The following NOVA2 variants were observed in gnomAD, a reference collection of about 807,000 sequenced individuals.
NOVA2 encodes NOVA alternative splicing regulator 2.
In NOVA2, 9 loss-of-function variants were observed where a neutral mutation model predicts 22.5. The observed-to-expected ratio is 0.40, with a 90% CI of 0.24 to 0.70. NOVA2 has a LOEUF of 0.70. Among genes scored for constraint, NOVA2 ranks in the 30% least tolerant of loss-of-function variants. NOVA2 has a pLI of 0.38. For synonymous variants in NOVA2, 318 were observed against 335.2 expected (o/e 0.95, Z 0.56); for missense variants, 383 against 682.8 (o/e 0.56, Z 4.89).
intron 3 of NOVA2, among the ~76,000 whole-genome samples, chr19:45,951,620 A>C (rs76229884): frequency 3.2e-5 from 2 of 62,046 alleles, no homozygotes; most frequent in African/African-American, 6.8e-5. Flanking sequence ...CTCCGTTTCA[A>C]AAAAAAAAAA....
At chr19:45,949,542 C>T (rs1263856717) in intron 3 of NOVA2, among the ~76,000 whole-genome samples, 1 of 152,088 alleles carries the variant, frequency 6.6e-6, no homozygotes, top group East Asian at 1.9e-4. Context: ...CTACCTCTTC[C>T]ACCTCCTAGC....
intron 3 of NOVA2, among the ~76,000 whole-genome samples, chr19:45,943,141 C>T (rs1232417131): frequency 1.3e-5 from 2 of 151,336 alleles, no homozygotes; most frequent in Non-Finnish European, 2.9e-5. Context: ...GCAATCTCCA[C>T]CTCCTGGGTT....
intron 1 of NOVA2, among the ~76,000 whole-genome samples, chr19:45,966,801 C>T (rs1346853624): frequency 6.6e-6 from 1 of 152,034 alleles, no homozygotes; most frequent in African/African-American, 2.4e-5. Context: ...TGCTTGAACC[C>T]GGGAGGCGGA....
chr19:45,966,865 G>A (rs919145785), intron 1 of NOVA2, among the ~76,000 whole-genome samples: 8 of 152,058 alleles, frequency 5.3e-5, no homozygotes, highest in Non-Finnish European at 1.2e-4. Context: ...CAACAAGAGC[G>A]AAACTCCGTC....
intron 2 of NOVA2, among the ~76,000 whole-genome samples, chr19:45,956,533 C>T (rs868539799): frequency 3.3e-5 from 5 of 151,724 alleles, no homozygotes; most frequent in South Asian, 2.1e-4. Context: ...TGCAGCGGTG[C>T]GATCTCAGAT....
At chr19:45,961,746 A>G (rs146490091) in intron 1 of NOVA2, among the ~76,000 whole-genome samples, 6 of 152,318 alleles carry the variant, frequency 3.9e-5, no homozygotes, top group Admixed American at 1.3e-4. Context: ...AGGTGAAGAA[A>G]TCACCCAAGG....
Position 45,940,568 on chromosome 19 carries a change from C to T in NOVA2, c.774G>A (p.Leu258=). 1.4e-6 allele frequency: 2 copies of T among 1,458,570 alleles called. No homozygotes were observed. Among genetic ancestry groups the T allele is most frequent in the Non-Finnish European group, 9.0e-7 (1 of 1,106,982 alleles). The allele number at this position is 1,458,570 out of a possible 1,614,324, so 90.4% of individuals were successfully genotyped here. The change falls in exon 4 of 4, where the codon CTG becomes CTA. Residue 258 remains leucine, a synonymous_variant. Transcript: ENST00000263257. ...CGGCGGGAAAGGCCCCCACGCCAGC[C>T]AGCCCGGCGGGGCCCAGCAGGCCGG... is the stretch of plus-strand genomic sequence containing the variant. ...AASGLLGPAG[L]AGVGAFPAAL...
intron 1 of NOVA2, among the ~76,000 whole-genome samples, chr19:45,965,954 G>A (rs1968162076): frequency 6.6e-6 from 1 of 152,216 alleles, no homozygotes; most frequent in Non-Finnish European, 1.5e-5. Context: ...ATCATTATCA[G>A]CATTGCCTAC....
chr19:45,958,625 G>C (rs1001064237), intron 2 of NOVA2, among the ~76,000 whole-genome samples: 20 of 151,742 alleles, frequency 1.3e-4, no homozygotes, highest in African/African-American at 3.9e-4. Context: ...CAGCGTGTGT[G>C]AGTGTGAGCG....
chr19:45,954,237 AG>A (rs1318925656), intron 2 of NOVA2, among the ~76,000 whole-genome samples: 2 of 152,210 alleles, frequency 1.3e-5, no homozygotes, highest in Non-Finnish European at 2.9e-5. Flanking sequence ...AGCCCTGGGC[AG>A]GGGAGACAGG....
At chr19:45,968,592 A>G (rs1010154643) in intron 1 of NOVA2, among the ~76,000 whole-genome samples, 4 of 152,118 alleles carry the variant, frequency 2.6e-5, no homozygotes, top group South Asian at 2.1e-4. Context: ...ATATAATAAT[A>G]ATGATGATGA....
intron 1 of NOVA2, among the ~76,000 whole-genome samples, chr19:45,970,080 T>C (rs1353811189): frequency 6.6e-6 from 1 of 152,212 alleles, no homozygotes; most frequent in Non-Finnish European, 1.5e-5. Flanking sequence ...CACATCATGG[T>C]TCTGCTGCTT....
rs569448866 is a variant in NOVA2 at position 45,937,672 on chromosome 19, A to G, written c.*2191T>C. The G allele has an allele frequency of 6.7e-6, 1 of 150,042 alleles. No individual in the cohort carries two copies. Among genetic ancestry groups the G allele is most frequent in the East Asian group, 2.0e-4 (1 of 5,116 alleles). 9.3% of individuals were successfully genotyped at this position (150,042 alleles called of 1,614,324 possible). ...TAGGGGTGGGGCAACAACAATGGGA[A>G]GTGGGGGATAGGGGAGGGGAAGTGG... On this transcript the variant is annotated 3_prime_UTR_variant, in exon 4 of 4. Coordinates refer to ENST00000263257, the MANE Select transcript of NOVA2 (RefSeq NM_002516.4).
At position 45,939,733 on chromosome 19, in the gene NOVA2, G is replaced by C; in HGVS notation, c.*130C>G. 3 of 1,198,432 alleles carry C rather than the reference G, an allele frequency of 2.5e-6. No individual in the cohort carries two copies. Among genetic ancestry groups the C allele is most frequent in the Non-Finnish European group, 3.5e-6 (3 of 859,792 alleles). The allele number at this position is 1,198,432 out of a possible 1,614,324, so 74.2% of individuals were successfully genotyped here. Reference sequence around the variant, plus strand: ...ACTACCAGAAGGGGAGGGTGCAGTCGGGCCTACCCCAGCCCCATCCCAAGA... The same window carrying C: ...ACTACCAGAAGGGGAGGGTGCAGTCCGGCCTACCCCAGCCCCATCCCAAGA... On this transcript the variant is annotated 3_prime_UTR_variant, in exon 4 of 4. Coordinates refer to ENST00000263257, the MANE Select transcript of NOVA2 (RefSeq NM_002516.4).
intron 2 of NOVA2, among the ~76,000 whole-genome samples, chr19:45,958,673 G>A (rs867096015): frequency 3.9e-5 from 6 of 152,192 alleles, no homozygotes; most frequent in Middle Eastern, 3.4e-3. Context: ...GAGAGTGTGA[G>A]TGTGTGTGCA....
rs1467813515 is a variant in NOVA2 at position 45,938,395 on chromosome 19, A to C, written c.*1468T>G. 6.6e-6 allele frequency: 1 copy of C among 152,448 alleles called. No homozygotes were observed. 9.4% of individuals were successfully genotyped at this position (152,448 alleles called of 1,614,324 possible). On this transcript the variant is annotated 3_prime_UTR_variant, in exon 4 of 4. Transcript: ENST00000263257. The stretch of plus-strand genomic sequence containing the variant: ...GTATGCCAGCTTGCTGGAAGCCACC[A>C]AACCAATCTAACCTATCAGACCACA...
intron 3 of NOVA2, among the ~76,000 whole-genome samples, chr19:45,947,524 A>C (rs1289672406): frequency 1.3e-5 from 2 of 150,700 alleles, no homozygotes; most frequent in Non-Finnish European, 2.9e-5. Context: ...CCCAGGCTAG[A>C]GTGCAGTGGC....
chr19:45,966,517 C>G (rs1968169950), intron 1 of NOVA2, among the ~76,000 whole-genome samples: 1 of 152,182 alleles, frequency 6.6e-6, no homozygotes, highest in South Asian at 2.1e-4. Context: ...ATCTGCTCAC[C>G]TTAGCCTTCC....
chr19:45,958,738 C>G (rs1316958524), intron 2 of NOVA2, among the ~76,000 whole-genome samples: 5 of 152,176 alleles, frequency 3.3e-5, no homozygotes, highest in African/African-American at 1.2e-4. Context: ...TCATTTCTCA[C>G]ATGTTCTGTC....
Sources: gnomAD v4.1 joint callset for allele counts (sites outside exome capture counted in the v4.1 genomes callset) on GRCh38, gnomAD v4.1.1 for gene constraint, MANE v1.5 for transcripts, NCBI Gene and HGNC (gene_info 2026-07-23, HGNC 2026-07-21) for gene names.